Variants in FAM169A observed in about 807,000 individuals in gnomAD.
The protein encoded by FAM169A is soluble lamin-associated protein of 75 kDa.
FAM169A carries 24 observed loss-of-function variants against 75.7 expected under a neutral mutation model. That is an observed-to-expected ratio of 0.32 (90% confidence interval 0.23 to 0.45). The LOEUF is 0.45. Among genes scored for constraint, FAM169A ranks in the 20% least tolerant of loss-of-function variants. The pLI, the probability that FAM169A is intolerant of heterozygous loss-of-function variation, is 1.00. For synonymous variants in FAM169A, 271 were observed against 271.0 expected (o/e 1.00, Z 0.00); for missense variants, 673 against 784.0 (o/e 0.86, Z 1.69).
intron 5 of FAM169A, among the ~76,000 whole-genome samples, chr5:74,816,082 AC>A (rs2112583956): frequency 6.6e-6 from 1 of 152,272 alleles, no homozygotes; most frequent in South Asian, 2.1e-4. Context: ...CCTCTCTTGG[AC>A]CCCTTTCCGG....
At chr5:74,832,333 T>C (rs1748355465) in intron 5 of FAM169A, among the ~76,000 whole-genome samples, 1 of 151,892 alleles carries the variant, frequency 6.6e-6, no homozygotes, top group Non-Finnish European at 1.5e-5. Flanking sequence ...CAGTGATCTA[T>C]TTCAGGCAAA....
intron 5 of FAM169A, among the ~76,000 whole-genome samples, chr5:74,821,922 G>T (rs1419287204): frequency 6.6e-6 from 1 of 152,190 alleles, no homozygotes; most frequent in Non-Finnish European, 1.5e-5. Context: ...GGCTGCAGGT[G>T]GAAGAAACAG....
intron 11 of FAM169A, among the ~76,000 whole-genome samples, chr5:74,785,025 TA>T (rs1286187409): frequency 2.0e-5 from 3 of 151,222 alleles, no homozygotes; most frequent in African/African-American, 7.3e-5. Context: ...CTTAACTTTT[TA>T]AAAGTGAAAA....
At chr5:74,799,289 C>G in intron 10 of FAM169A, 1 of 1,566,208 alleles carries the variant, frequency 6.4e-7, no homozygotes, top group Non-Finnish European at 8.8e-7. Flanking sequence ...AATCGCACAG[C>G]TACTTTTGTG....
intron 2 of FAM169A, among the ~76,000 whole-genome samples, chr5:74,840,654 C>T (rs1392163874): frequency 4.6e-5 from 7 of 151,436 alleles, no homozygotes; most frequent in African/African-American, 1.7e-4. Flanking sequence ...ACAGTGAAAC[C>T]CCATCTTTAC....
chr5:74,808,153 A>C (rs1486916702), intron 6 of FAM169A, among the ~76,000 whole-genome samples: 1 of 152,248 alleles, frequency 6.6e-6, no homozygotes, highest in East Asian at 1.9e-4. Context: ...GCAGAGACTC[A>C]AACAGGTATC....
chr5:74,795,644 G>A (rs1158027072), intron 11 of FAM169A, among the ~76,000 whole-genome samples: 1 of 152,078 alleles, frequency 6.6e-6, no homozygotes, highest in Admixed American at 6.5e-5. Context: ...TAAAATGGGG[G>A]TGCCCCTGAA....
chr5:74,802,266 A>G (rs996442842), intron 8 of FAM169A, among the ~76,000 whole-genome samples: 1 of 152,070 alleles, frequency 6.6e-6, no homozygotes, highest in African/African-American at 2.4e-5. Flanking sequence ...AGTCTCTTGA[A>G]CCAACTATTC....
chr5:74,823,843 C>T (rs540170813), intron 5 of FAM169A, among the ~76,000 whole-genome samples: 1 of 152,168 alleles, frequency 6.6e-6, no homozygotes, highest in African/African-American at 2.4e-5. Flanking sequence ...ACTCTCCCAA[C>T]AAAAAATTCA....
intron 11 of FAM169A, 81 bp downstream of exon 11, chr5:74,795,949 A>G (rs1746249892): frequency 2.8e-6 from 4 of 1,428,476 alleles, no homozygotes; most frequent in East Asian, 2.3e-5. Flanking sequence ...ATATATCGCT[A>G]TACTTTTCTA....
intron 11 of FAM169A, 51 bp downstream of exon 11, chr5:74,795,979 G>A (rs765244945): frequency 1.3e-6 from 2 of 1,557,698 alleles, no homozygotes; most frequent in African/African-American, 1.4e-5. Flanking sequence ...GATTAAGAAA[G>A]GTAAAATTTA....
chr5:74,864,396 A>C (rs1446903612), intron 1 of FAM169A, among the ~76,000 whole-genome samples: 6 of 152,000 alleles, frequency 3.9e-5, no homozygotes, highest in Non-Finnish European at 8.8e-5. Flanking sequence ...ACACCCGGCT[A>C]ATTTTGTATT....
chr5:74,798,742 G>C (rs1023802656), intron 10 of FAM169A, among the ~76,000 whole-genome samples: 7 of 152,186 alleles, frequency 4.6e-5, no homozygotes, highest in Non-Finnish European at 7.3e-5. Context: ...AGAGGATAAA[G>C]CTGAGACTCA....
chr5:74,861,006 G>A (rs539559428), intron 1 of FAM169A, among the ~76,000 whole-genome samples: 3 of 152,050 alleles, frequency 2.0e-5, no homozygotes, highest in South Asian at 4.2e-4. Context: ...GCATAGCGGC[G>A]TGCATCTGCA....
intron 5 of FAM169A, among the ~76,000 whole-genome samples, chr5:74,832,535 T>TTTTATC: frequency 6.6e-6 from 1 of 151,338 alleles, no homozygotes; most frequent in Middle Eastern, 3.4e-3. Context: ...TTAATAAAGA[T>TTTTATC]TTTATCTTTT....
intron 1 of FAM169A, among the ~76,000 whole-genome samples, chr5:74,857,571 GGAAAAAAAAA>G (rs1197815986): frequency 6.1e-5 from 4 of 65,722 alleles, no homozygotes; most frequent in African/African-American, 1.9e-4. Context: ...CCTTGCCGCG[GGAAAAAAAAA>G]AAAAAAAAAA....
At chr5:74,799,639 G>A (rs1214433446) in intron 10 of FAM169A, 6 of 1,376,948 alleles carry the variant, frequency 4.4e-6, no homozygotes, top group Non-Finnish European at 6.2e-6. Flanking sequence ...CTCCGCCAGT[G>A]GGAGCCACCT....
In FAM169A at chr5:74,792,956, TAGC is replaced by T. The variant is rs768113588; in HGVS notation, c.1260+3071_1260+3073del. Among the ~76,000 whole-genome samples, 22 of 152,360 alleles carry T rather than the reference TAGC, an allele frequency of 1.4e-4. No individual in the cohort carries two copies. The East Asian group carries it at 1.9e-3, about 13-fold the overall frequency. ...AAAGACACTTGCACATGCATGTTTA[TAGC>T]AGCACAATTTGCAACTGCAAAAAAT... On this transcript the variant is annotated intron_variant, in intron 11 of 12. Coordinates refer to ENST00000687041, the MANE Select transcript of FAM169A (RefSeq NM_001376049.1).
chr5:74,814,274 T>C (rs1272296834), intron 5 of FAM169A, among the ~76,000 whole-genome samples: 2 of 152,120 alleles, frequency 1.3e-5, no homozygotes, highest in East Asian at 3.8e-4. Context: ...CTCAGTACCA[T>C]ATTCTAAAAT....
Sources: allele counts gnomAD v4.1 joint callset (sites outside exome capture counted in the v4.1 genomes callset), GRCh38; gene constraint gnomAD v4.1.1; transcripts MANE v1.5; gene names NCBI Gene and HGNC (gene_info 2026-07-23, HGNC 2026-07-21).